Variants in TENM4 observed in about 807,000 individuals in gnomAD.
TENM4 encodes teneurin transmembrane protein 4.
In TENM4, 82 loss-of-function variants were observed where a neutral mutation model predicts 243.3. The ratio of observed to expected loss-of-function variants is 0.34; its 90% CI spans 0.28 to 0.40. The LOEUF (loss-of-function observed/expected upper bound fraction) is 0.40. Ranked by LOEUF, TENM4 falls within the 10% of genes least tolerant of loss-of-function variation. The pLI is 1.00. For missense variants in TENM4, 3,138 were observed against 3,673.3 expected, an observed-to-expected ratio of 0.85 and a Z score of 3.77; for synonymous variants, 1,412 against 1,456.3, an observed-to-expected ratio of 0.97 and a Z score of 0.69.
At chr11:79,257,014 A>G (rs1259734882) in intron 2 of TENM4, among the ~76,000 whole-genome samples, 1 of 152,168 alleles carries the variant, frequency 6.6e-6, no homozygotes, top group Non-Finnish European at 1.5e-5. Context: ...TTTAAAGGAT[A>G]AGCAGGAGTG....
rs1386390739 is a variant in TENM4, at chr11:78,757,036, G to T, written c.2540-15C>A. The T allele has an allele frequency of 2.5e-6, 4 of 1,611,006 alleles. No homozygotes were observed. Among genetic ancestry groups the T allele is most frequent in the Non-Finnish European group, 3.4e-6 (4 of 1,178,272 alleles). ...CACCAGGCCATCTGCAGGAGTGACA[G>T]AGCATGTGGTTTATATTGCTATGTT... On this transcript the variant is annotated splice_polypyrimidine_tract_variant and intron_variant, in intron 18 of 33. Transcript: ENST00000278550.
chr11:79,379,908 G>A (rs1857966835), intron 1 of TENM4, among the ~76,000 whole-genome samples: 2 of 152,156 alleles, frequency 1.3e-5, no homozygotes, highest in South Asian at 2.1e-4. Context: ...ATTAGCTGAG[G>A]GAGAGACTGG....
intron 6 of TENM4, among the ~76,000 whole-genome samples, chr11:79,016,086 C>A (rs181638869): frequency 8.5e-5 from 13 of 152,216 alleles, no homozygotes. Flanking sequence ...GAGTGGATCC[C>A]AGACAAGGGA....
intron 6 of TENM4, among the ~76,000 whole-genome samples, chr11:79,048,553 A>G (rs1859716763): frequency 1.3e-5 from 2 of 151,866 alleles, no homozygotes; most frequent in South Asian, 4.2e-4. Flanking sequence ...ATGGCTCTGC[A>G]TGGTGTGGTG....
intron 3 of TENM4, among the ~76,000 whole-genome samples, chr11:79,192,496 G>T (rs1863536690): frequency 6.6e-6 from 1 of 152,150 alleles, no homozygotes; most frequent in Non-Finnish European, 1.5e-5. Context: ...TGAAACATGT[G>T]CTGTGTCCAC....
At position 79,002,970 on chromosome 11, in the gene TENM4, T is replaced by C. The variant is rs114868161; in HGVS notation, c.493+61768A>G. On this transcript the variant is annotated intron_variant, in intron 6 of 33. Coordinates refer to ENST00000278550, the MANE Select transcript of TENM4 (RefSeq NM_001098816.3). ...AAGAACCAAACTGATCTGATAGAGC[T>C]GATCTGATACAGCTGATAAATTCAC... is the stretch of plus-strand genomic sequence containing the variant. 7.1e-3 allele frequency among the ~76,000 whole-genome samples: 1,087 copies of C among 152,232 alleles called. 12 individuals carry two copies. The highest frequency in any genetic ancestry group is 0.024 in the African/African-American group (1,007 of 41,484).
chr11:78,957,875 C>A (rs1374783048), intron 6 of TENM4, among the ~76,000 whole-genome samples: 1 of 152,180 alleles, frequency 6.6e-6, no homozygotes. Flanking sequence ...TCTCTTAAAA[C>A]CAGCTTTTCT....
At chr11:79,349,963 C>A (rs79392709) in intron 1 of TENM4, among the ~76,000 whole-genome samples, 1 of 152,136 alleles carries the variant, frequency 6.6e-6, no homozygotes, top group Non-Finnish European at 1.5e-5. Flanking sequence ...GAGGAGAGTG[C>A]GTGGAGATCA....
At chr11:79,077,076 G>A (rs935702973) in intron 4 of TENM4, among the ~76,000 whole-genome samples, 3 of 152,142 alleles carry the variant, frequency 2.0e-5, no homozygotes, top group Non-Finnish European at 4.4e-5. Context: ...TCATTGCTAA[G>A]TCCCTTTTCT....
At chr11:79,025,534 T>A (rs1859056804) in intron 6 of TENM4, among the ~76,000 whole-genome samples, 1 of 152,228 alleles carries the variant, frequency 6.6e-6, no homozygotes, top group South Asian at 2.1e-4. Context: ...TTCCTGGTAA[T>A]AGCTCATTTA....
chr11:79,098,920 C>T (rs768589245), intron 4 of TENM4, among the ~76,000 whole-genome samples: 55 of 152,148 alleles, frequency 3.6e-4, no homozygotes, highest in Non-Finnish European at 6.3e-4. Context: ...TTCACTTTCC[C>T]CATCTATAAA....
chr11:78,920,814 T>G (rs532842628), intron 6 of TENM4, among the ~76,000 whole-genome samples: 5 of 152,168 alleles, frequency 3.3e-5, no homozygotes, highest in African/African-American at 9.6e-5. Context: ...TGGGGAAAAA[T>G]GTATTTGAGT....
intron 1 of TENM4, among the ~76,000 whole-genome samples, chr11:79,436,556 A>G (rs1247356176): frequency 6.6e-6 from 1 of 152,254 alleles, no homozygotes; most frequent in African/African-American, 2.4e-5. Flanking sequence ...ATCAGATTCT[A>G]TTGGAAGAGA....
chr11:79,346,709 C>T (rs1238891305), intron 1 of TENM4, among the ~76,000 whole-genome samples: 1 of 152,200 alleles, frequency 6.6e-6, no homozygotes, highest in African/African-American at 2.4e-5. Flanking sequence ...GCTTCACTTT[C>T]CTTCTCCTGG....
chr11:79,114,688 A>G (rs1861581928), intron 4 of TENM4, among the ~76,000 whole-genome samples: 1 of 152,202 alleles, frequency 6.6e-6, no homozygotes, highest in African/African-American at 2.4e-5. Flanking sequence ...AAGGGGCTCC[A>G]CATTTTTATG....
intron 4 of TENM4, among the ~76,000 whole-genome samples, chr11:79,145,466 A>G (rs1387907534): frequency 6.6e-6 from 1 of 152,046 alleles, no homozygotes; most frequent in Non-Finnish European, 1.5e-5. Context: ...CTGGCTTTGT[A>G]CTTTTTTAAA....
chr11:79,123,613 T>TTA (rs1555012894), intron 4 of TENM4, among the ~76,000 whole-genome samples: 1 of 151,864 alleles, frequency 6.6e-6, no homozygotes, highest in Non-Finnish European at 1.5e-5. Context: ...TTTTTTTTTT[T>TTA]TTATTAAGAA....
intron 1 of TENM4, among the ~76,000 whole-genome samples, chr11:79,414,942 G>A (rs533208855): frequency 3.7e-4 from 56 of 152,298 alleles, no homozygotes; most frequent in African/African-American, 1.3e-3. Flanking sequence ...CCTTGCCACC[G>A]TTCTATCTGT....
At chr11:78,820,601 CAT>C (rs1344351151) in intron 12 of TENM4, among the ~76,000 whole-genome samples, 17 of 152,166 alleles carry the variant, frequency 1.1e-4, no homozygotes, top group African/African-American at 4.1e-4. Flanking sequence ...AAGGGTCACA[CAT>C]GTCTTCCATT....
Sources: allele counts gnomAD v4.1 joint callset (sites outside exome capture counted in the v4.1 genomes callset), GRCh38; gene constraint gnomAD v4.1.1; transcripts MANE v1.5; gene names NCBI Gene and HGNC (gene_info 2026-07-23, HGNC 2026-07-21).